Variants in CTU1 observed in about 807,000 individuals in gnomAD.
CTU1 encodes the protein cytosolic thiouridylase subunit 1, also known as cytoplasmic tRNA 2-thiolation protein 1.
CTU1 carries 15 observed loss-of-function variants against 12.9 expected under a neutral mutation model. The observed-to-expected ratio is 1.16, with a 90% confidence interval of 0.78 to 1.79. The LOEUF is 1.79. CTU1 is among the 40% of genes most tolerant of loss of function. The probability of loss-of-function intolerance (pLI) is 0.00; values close to 1 mark genes in which losing one functional copy is unlikely to be tolerated. For synonymous variants in CTU1, 295 were observed against 275.6 expected (o/e 1.07, Z -0.70); for missense variants, 553 against 550.5 (o/e 1.00, Z -0.05).
At chr19:51,100,934 CGTGTGTGTGT>C (rs71185800) in intron 2 of CTU1, among the ~76,000 whole-genome samples, 10 of 145,450 alleles carry the variant, frequency 6.9e-5, no homozygotes, top group African/African-American at 1.5e-4. Flanking sequence ...TTTTATTGTG[CGTGTGTGTGT>C]GTGTGTGTGT....
chr19:51,099,375 G>T (rs960592177), intron 2 of CTU1, among the ~76,000 whole-genome samples: 1 of 152,078 alleles, frequency 6.6e-6, no homozygotes, highest in African/African-American at 2.4e-5. Context: ...GAGACAGGGA[G>T]GGGGAGAGAG....
In CTU1 at chr19:51,100,938, T is replaced by C. The variant is rs1401581228; in HGVS notation, c.509-1799A>G. On this transcript the variant is annotated intron_variant, in intron 2 of 2. Coordinates refer to ENST00000421832, the MANE Select transcript of CTU1 (RefSeq NM_145232.4). ...TTTTCATTTTGTTTTATTGTGCGTG[T>C]GTGTGTGTGTGTGTGTGTGTGTTTG... is the stretch of plus-strand genomic sequence containing the variant. 2.7e-5 allele frequency among the ~76,000 whole-genome samples: 4 copies of C among 149,034 alleles called. No homozygotes were observed. The East Asian group carries it at 5.9e-4, about 22-fold the overall frequency.
At chr19:51,100,463 TAGC>T (rs1422240671) in intron 2 of CTU1, among the ~76,000 whole-genome samples, 1 of 151,890 alleles carries the variant, frequency 6.6e-6, no homozygotes, top group Admixed American at 6.6e-5. Context: ...ATACAAAAAT[TAGC>T]AGGTCATGGT....
chr19:51,098,729 C>G lies in CTU1; in HGVS notation c.919G>C (p.Gly307Arg). The G allele has an allele frequency of 8.1e-7, 1 of 1,229,982 alleles. No individual in the cohort carries two copies. The highest frequency in any genetic ancestry group is 1.0e-6 in the Non-Finnish European group (1 of 979,232). The allele number at this position is 1,229,982 out of a possible 1,614,324, so 76.2% of individuals were successfully genotyped here. The change falls in exon 3 of 3, where the codon GGC (glycine) becomes CGC (arginine). Residue 307 changes from glycine (G) to arginine (R), a missense_variant. By Grantham distance (125) the Gly-to-Arg change is moderately radical. This residue lies in a region of CTU1 where 53 missense variants were observed against 92.0 expected (regional missense o/e 0.58). Transcript: ENST00000421832. The surrounding 1 kb of genome is among the most constrained non-coding windows in gnomAD (Gnocchi z 4.3). ...AGGCGGGGCCGGCCGCGGTTCAGGC[C>G]GTCCAGGAGCGCGCAGGCCTGGCAG... ...ALCQACALLDGLNRGRPRLAI... is the reference protein window; with the variant it reads ...ALCQACALLDRLNRGRPRLAI...
Position 51,104,383 on chromosome 19 carries a change from C to A in CTU1, c.187G>T (p.Asp63Tyr). The stretch of plus-strand genomic sequence containing the variant: ...AGCACGTGCGCCAGCACCGTGGAGT[C>A]CTTGCCGCCCGAGGCGCCCACGGCC... ...VVAVGASGGK[D>Y]STVLAHVLRA... Residue 63 changes from aspartate (D) to tyrosine (Y), a missense_variant, in exon 2 of 3, where the codon GAC (aspartate) becomes TAC (tyrosine). Asp to Tyr is a radical substitution (Grantham distance 160). Transcript: ENST00000421832. 7.6e-7 allele frequency: 1 copy of A among 1,312,534 alleles called. No homozygotes were observed. Among genetic ancestry groups the A allele is most frequent in the South Asian group, 1.7e-5 (1 of 59,500 alleles). The allele number at this position is 1,312,534 out of a possible 1,614,324, so 81.3% of individuals were successfully genotyped here.
intron 2 of CTU1, 112 bp from the exon 3 acceptor site, chr19:51,099,251 A>G: frequency 1.1e-6 from 1 of 893,622 alleles, no homozygotes; most frequent in Non-Finnish European, 1.6e-6. Flanking sequence ...CTGGGAGGAG[A>G]GACCCACGGA....
chr19:51,106,981 C>T (rs1210342321), intron 1 of CTU1, among the ~76,000 whole-genome samples: 1 of 152,226 alleles, frequency 6.6e-6, no homozygotes, highest in Non-Finnish European at 1.5e-5. Context: ...TCTGTTCCCT[C>T]TCTTCTGAGA....
At position 51,099,037 on chromosome 19, in the gene CTU1, C is replaced by G; in HGVS notation, c.611G>C (p.Gly204Ala). Residue 204 changes from glycine (G) to alanine (A), a missense_variant, in exon 3 of 3, where the codon GGG (glycine) becomes GCG (alanine). Physicochemically the swap from Gly to Ala is moderately conservative, Grantham distance 60. This residue lies in a region of CTU1 where 500 missense variants were observed against 458.5 expected (regional missense o/e 1.09). Transcript: ENST00000421832. ...CGGGCGGCAGCGCGGCAGGGCGCCC[C>G]CCTCGCCGGGAGAGCCCAGGCCCCC... ...RGGGLGSPGE[G>A]GALPRCRPLQ... 6.6e-7 allele frequency: 1 copy of G among 1,511,860 alleles called. No homozygotes were observed. Among genetic ancestry groups the G allele is most frequent in the Non-Finnish European group, 8.8e-7 (1 of 1,134,106 alleles). The allele number at this position is 1,511,860 out of a possible 1,614,324, so 93.7% of individuals were successfully genotyped here.
Position 51,098,616 on chromosome 19 carries a change from G to A in CTU1, c.1032C>T (p.Ala344=), listed in dbSNP as rs1353398675. Residue 344 remains alanine (A), a synonymous_variant, in exon 3 of 3, where the codon GCC becomes GCT. Coordinates refer to ENST00000421832, the MANE Select transcript of CTU1 (RefSeq NM_145232.4). The surrounding 1 kb of genome is among the most constrained non-coding windows in gnomAD (Gnocchi z 4.3). ...GDPARPPASK[A]VPTF ...CCCGAAGTCGCTAGAAGGTGGGGAC[G>A]GCCTTGGAGGCGGGGGGCCGGGCCG... The A allele has an allele frequency of 5.4e-6, 7 of 1,305,448 alleles. No individual in the cohort carries two copies. Among genetic ancestry groups the A allele is most frequent in the East Asian group, 3.1e-5 (1 of 31,750 alleles). 80.9% of individuals were successfully genotyped at this position (1,305,448 alleles called of 1,614,324 possible).
rs1199431299 is a variant in CTU1 at position 51,104,207 on chromosome 19, G to T, written c.363C>A (p.Leu121=). 1 of 1,521,932 alleles carries T rather than the reference G, an allele frequency of 6.6e-7. No homozygotes were observed. Among genetic ancestry groups the T allele is most frequent in the South Asian group, 1.2e-5 (1 of 82,522 alleles). 94.3% of individuals were successfully genotyped at this position (1,521,932 alleles called of 1,614,324 possible). The change falls in exon 2 of 3, where the codon CTC becomes CTA. Residue 121 remains leucine (L), a synonymous_variant. Transcript: ENST00000421832. ...LPLTVVAYED[L]FGGWTMDAVA... ...CGGCGTCCATCGTCCAGCCCCCAAA[G>T]AGGTCTTCGTAGGCCACGACCGTGA...
In CTU1 at chr19:51,104,609, G is replaced by C; in HGVS notation, c.-21-19C>G. On this transcript the variant is annotated intron_variant, in intron 1 of 2. Transcript: ENST00000421832. Reference sequence around the variant, plus strand: ...GCTTCTCCTAGACAGGGAGAGAGAGGAGGTGGGTTACATATGGATTCCGGA... The same window carrying C: ...GCTTCTCCTAGACAGGGAGAGAGAGCAGGTGGGTTACATATGGATTCCGGA... The C allele has an allele frequency of 8.1e-7, 1 of 1,232,318 alleles. No homozygotes were observed. Among genetic ancestry groups the C allele is most frequent in the East Asian group, 3.2e-5 (1 of 31,334 alleles). The allele number at this position is 1,232,318 out of a possible 1,614,324, so 76.3% of individuals were successfully genotyped here. A position where few individuals can be genotyped will look rare whatever the true frequency, so the allele number is the denominator to read the frequency against.
intron 2 of CTU1, among the ~76,000 whole-genome samples, chr19:51,103,501 C>A (rs1360924342): frequency 6.8e-6 from 1 of 147,674 alleles, no homozygotes; most frequent in Non-Finnish European, 1.5e-5. Context: ...AGGAGAATGG[C>A]GTGAATCCGG....
chr19:51,098,941 T>A lies in CTU1; in HGVS notation c.707A>T (p.Glu236Val). 2.6e-6 allele frequency: 4 copies of A among 1,540,570 alleles called. No homozygotes were observed. The highest frequency in any genetic ancestry group is 3.5e-6 in the Non-Finnish European group (4 of 1,149,084). The change falls in exon 3 of 3, where the codon GAG becomes GTG. Residue 236 changes from glutamate (E) to valine (V), a missense_variant. This residue lies in a region of CTU1 where 500 missense variants were observed against 458.5 expected (regional missense o/e 1.09). Transcript: ENST00000421832. The surrounding 1 kb of genome is among the most constrained non-coding windows in gnomAD (Gnocchi z 4.3). ...HFRRLDYFSE[E>V]CVYAPEAFRG... ...GAAGGCCTCGGGCGCGTAGACGCAC[T>A]CCTCGGAGAAGTAGTCGAGGCGGCG...
chr19:51,099,027 C>A lies in CTU1; in HGVS notation c.621G>T (p.Leu207=). 6.6e-7 allele frequency: 1 copy of A among 1,511,434 alleles called. No individual in the cohort carries two copies. Among genetic ancestry groups the A allele is most frequent in the Non-Finnish European group, 8.8e-7 (1 of 1,133,892 alleles). The allele number at this position is 1,511,434 out of a possible 1,614,324, so 93.6% of individuals were successfully genotyped here. A position where few individuals can be genotyped will look rare whatever the true frequency, so the allele number is the denominator to read the frequency against. The part of the protein sequence containing the change: ...GLGSPGEGGA[L]PRCRPLQFAS... Reference sequence around the variant, plus strand: ...CGAACTGCAGCGGGCGGCAGCGCGGCAGGGCGCCCCCCTCGCCGGGAGAGC... The same window carrying A: ...CGAACTGCAGCGGGCGGCAGCGCGGAAGGGCGCCCCCCTCGCCGGGAGAGC... Residue 207 remains leucine, a synonymous_variant, in exon 3 of 3, where the codon CTG becomes CTT. Coordinates refer to ENST00000421832, the MANE Select transcript of CTU1 (RefSeq NM_145232.4).
rs541670920 is a variant in CTU1, at chr19:51,100,905, G to T, written c.509-1766C>A. 3.4e-3 allele frequency among the ~76,000 whole-genome samples: 483 copies of T among 143,890 alleles called. 3 individuals carry two copies. Among genetic ancestry groups the T allele is most frequent in the Middle Eastern group, 0.022 (6 of 270 alleles). 94.4% of individuals were successfully genotyped at this position (143,890 alleles called of 152,430 possible). A position where few individuals can be genotyped will look rare whatever the true frequency, so the allele number is the denominator to read the frequency against. On this transcript the variant is annotated intron_variant, in intron 2 of 2. Coordinates refer to ENST00000421832, the MANE Select transcript of CTU1 (RefSeq NM_145232.4). ...CAACCCAGACTGTAGTTTTTTTATG[G>T]TTTTTTTTTTTCATTTTGTTTTATT...
At chr19:51,099,937 C>T (rs1016068442) in intron 2 of CTU1, among the ~76,000 whole-genome samples, 2 of 151,978 alleles carry the variant, frequency 1.3e-5, no homozygotes, top group Admixed American at 1.3e-4. Context: ...CACAAAGACC[C>T]TTAGAGGGGA....
At chr19:51,101,900 C>CG (rs2091907841) in intron 2 of CTU1, among the ~76,000 whole-genome samples, 1 of 152,168 alleles carries the variant, frequency 6.6e-6, no homozygotes, top group Admixed American at 6.5e-5. Flanking sequence ...GGGTAGAAAT[C>CG]ACCTTGCAAG....
Position 51,105,368 on chromosome 19 carries a change from C to T in CTU1, c.-21-778G>A, listed in dbSNP as rs560087666. ...TCTGTGCTCTCACCAAGACATGGATCGGCCCATCTTTGACCTTCATCTGTT... is the reference window on the plus strand; with the variant it reads ...TCTGTGCTCTCACCAAGACATGGATTGGCCCATCTTTGACCTTCATCTGTT... On this transcript the variant is annotated intron_variant, in intron 1 of 2. Coordinates refer to ENST00000421832, the MANE Select transcript of CTU1 (RefSeq NM_145232.4). Among the ~76,000 whole-genome samples, 21 of 152,200 alleles carry T rather than the reference C, an allele frequency of 1.4e-4. 1 individual carries two copies. The East Asian group carries it at 3.1e-3, about 22-fold the overall frequency.
chr19:51,104,439 G>A lies in CTU1; in HGVS notation c.131C>T (p.Ala44Val). ...CGCGCCGGGCGGCAGCAGGCGGCCG[G>A]CGAGCACCGTGTGCAGCACCTCGGC... ...FEAEVLHTVLAGRLLPPGAVV... is the reference protein window; with the variant it reads ...FEAEVLHTVLVGRLLPPGAVV... The change falls in exon 2 of 3, where the codon GCC (alanine) becomes GTC (valine). Residue 44 changes from alanine to valine, a missense_variant. Coordinates refer to ENST00000421832, the MANE Select transcript of CTU1 (RefSeq NM_145232.4). 4 of 1,249,870 alleles carry A rather than the reference G, an allele frequency of 3.2e-6. No homozygotes were observed. The East Asian group carries it at 1.1e-4, about 35-fold the overall frequency. The allele number at this position is 1,249,870 out of a possible 1,614,324, so 77.4% of individuals were successfully genotyped here.
Sources: gnomAD v4.1 joint callset for allele counts (sites outside exome capture counted in the v4.1 genomes callset) on GRCh38, gnomAD v4.1.1 for gene constraint, gnomAD v4.1.1 regional missense constraint, Gnocchi (gnomAD v3.1) non-coding constraint, MANE v1.5 for transcripts, NCBI Gene and HGNC (gene_info 2026-07-23, HGNC 2026-07-21) for gene names.